The following CNTNAP2 variants were observed in gnomAD, a reference collection of about 807,000 sequenced individuals.
The protein encoded by CNTNAP2 is contactin-associated protein-like 2.
Under a neutral mutation model 155.2 loss-of-function variants are expected in CNTNAP2, and 98 were observed. The observed-to-expected ratio is 0.63, with a 90% CI of 0.54 to 0.75. The LOEUF is 0.75. Among genes scored for constraint, CNTNAP2 ranks in the 30% least tolerant of loss-of-function variants. The probability of loss-of-function intolerance (pLI) is 0.00; values close to 1 mark genes in which losing one functional copy is unlikely to be tolerated. For missense variants in CNTNAP2, 1,727 were observed against 1,688.1 expected (o/e 1.02, Z -0.40); for synonymous variants, 651 against 631.2 (o/e 1.03, Z -0.47).
chr7:147,261,436 A>C (rs1804463044), intron 8 of CNTNAP2, among the ~76,000 whole-genome samples: 1 of 152,158 alleles, frequency 6.6e-6, no homozygotes, highest in African/African-American at 2.4e-5. Flanking sequence ...AGGTTGTTGC[A>C]TTTCTAAATA....
intron 16 of CNTNAP2, among the ~76,000 whole-genome samples, chr7:148,132,925 T>A (rs1408068073): frequency 2.6e-5 from 4 of 152,186 alleles, no homozygotes; most frequent in Non-Finnish European, 5.9e-5. Context: ...CGGCCTATAT[T>A]TTTTTAATAT....
At chr7:146,821,838 A>T (rs1380576664) in intron 2 of CNTNAP2, among the ~76,000 whole-genome samples, 1 of 151,502 alleles carries the variant, frequency 6.6e-6, no homozygotes, top group East Asian at 1.9e-4. Context: ...GCTGGAGAGG[A>T]TGTGGAGAAA....
chr7:147,002,872 T>A (rs2129241443), intron 3 of CNTNAP2, among the ~76,000 whole-genome samples: 1 of 150,334 alleles, frequency 6.7e-6, no homozygotes, highest in Admixed American at 6.7e-5. Context: ...TATCATTATC[T>A]TGCAGGTTAG....
intron 4 of CNTNAP2, among the ~76,000 whole-genome samples, chr7:147,055,212 T>C (rs1799537229): frequency 6.6e-6 from 1 of 152,212 alleles, no homozygotes; most frequent in Admixed American, 6.5e-5. Context: ...TTGCTTATGG[T>C]AAACACTTAG....
At chr7:148,134,971 T>C (rs139717442) in intron 16 of CNTNAP2, among the ~76,000 whole-genome samples, 2 of 152,314 alleles carry the variant, frequency 1.3e-5, no homozygotes, top group African/African-American at 4.8e-5. Flanking sequence ...CATACTGTTT[T>C]GTAACCTACT....
intron 13 of CNTNAP2, among the ~76,000 whole-genome samples, chr7:147,889,408 A>G (rs928265150): frequency 6.6e-6 from 1 of 152,142 alleles, no homozygotes; most frequent in African/African-American, 2.4e-5. Context: ...AGGACACCAC[A>G]AAGTCTGAAA....
At chr7:147,023,947 C>T (rs1174801169) in intron 3 of CNTNAP2, among the ~76,000 whole-genome samples, 2 of 152,238 alleles carry the variant, frequency 1.3e-5, no homozygotes, top group Non-Finnish European at 2.9e-5. Flanking sequence ...TTATACTCCT[C>T]TCTTTATTTC....
chr7:146,355,441 C>T (rs924875659), intron 1 of CNTNAP2, among the ~76,000 whole-genome samples: 8 of 152,082 alleles, frequency 5.3e-5, no homozygotes, highest in African/African-American at 1.7e-4. Flanking sequence ...CATAAAGTCC[C>T]CTGTGGTCGC....
intron 1 of CNTNAP2, among the ~76,000 whole-genome samples, chr7:146,182,552 G>A (rs139413256): frequency 0.025 from 3,851 of 152,140 alleles, 72 homozygotes; most frequent in Non-Finnish European, 0.04. Context: ...TTTTTTCACA[G>A]CTTGTTACAA....
intron 4 of CNTNAP2, among the ~76,000 whole-genome samples, chr7:147,078,880 G>A (rs1800052220): frequency 6.6e-6 from 1 of 151,900 alleles, no homozygotes; most frequent in South Asian, 2.1e-4. Flanking sequence ...CTCCCGAGTA[G>A]CTGGGATTAC....
intron 1 of CNTNAP2, among the ~76,000 whole-genome samples, chr7:146,438,752 A>G (rs1200254078): frequency 6.6e-6 from 1 of 151,532 alleles, no homozygotes; most frequent in East Asian, 1.9e-4. Flanking sequence ...GTACAATATA[A>G]TTTCTAAAAG....
chr7:146,801,975 A>G (rs1297168168), intron 2 of CNTNAP2, among the ~76,000 whole-genome samples: 2 of 152,242 alleles, frequency 1.3e-5, no homozygotes, highest in African/African-American at 4.8e-5. Flanking sequence ...ATTTACATCT[A>G]TAGAAACATG....
chr7:147,568,053 T>G (rs1372020030), intron 12 of CNTNAP2, among the ~76,000 whole-genome samples: 1 of 152,172 alleles, frequency 6.6e-6, no homozygotes, highest in Non-Finnish European at 1.5e-5. Context: ...GCCACTGCAC[T>G]GCAGCCTGGG....
chr7:148,220,978 G>A (rs1795738977), intron 19 of CNTNAP2, among the ~76,000 whole-genome samples: 1 of 152,066 alleles, frequency 6.6e-6, no homozygotes, highest in South Asian at 2.1e-4. Context: ...CTGTCAAGAA[G>A]TTGGTGAACA....
At chr7:146,314,341 C>T (rs145670856) in intron 1 of CNTNAP2, among the ~76,000 whole-genome samples, 1 of 152,252 alleles carries the variant, frequency 6.6e-6, no homozygotes, top group African/African-American at 2.4e-5. Context: ...GTTGTGCTAT[C>T]GCCTTGAGAG....
chr7:147,077,946 T>C (rs1800027811), intron 4 of CNTNAP2, among the ~76,000 whole-genome samples: 1 of 152,146 alleles, frequency 6.6e-6, no homozygotes. Context: ...TCACTCCACA[T>C]TATTACTTTT....
intron 21 of CNTNAP2, among the ~76,000 whole-genome samples, chr7:148,380,187 A>T (rs143950521): frequency 6.2e-4 from 95 of 152,308 alleles, no homozygotes; most frequent in African/African-American, 1.5e-3. Context: ...CTTACCCAAG[A>T]CACCTCCAGG....
At chr7:147,135,848 G>T (rs1297809176) in intron 8 of CNTNAP2, among the ~76,000 whole-genome samples, 2 of 149,204 alleles carry the variant, frequency 1.3e-5, no homozygotes, top group East Asian at 2.0e-4. Flanking sequence ...GGAAAACACC[G>T]ACCTGACCTG....
chr7:147,183,930 A>C (rs1024215332), intron 8 of CNTNAP2, among the ~76,000 whole-genome samples: 1 of 152,216 alleles, frequency 6.6e-6, no homozygotes, highest in Non-Finnish European at 1.5e-5. Flanking sequence ...CAAAGTAAAT[A>C]ATCTGGCAGT....
Sources: gnomAD v4.1 joint callset for allele counts (sites outside exome capture counted in the v4.1 genomes callset) on GRCh38, gnomAD v4.1.1 for gene constraint, MANE v1.5 for transcripts, NCBI Gene and HGNC (gene_info 2026-07-23, HGNC 2026-07-21) for gene names.